The following KLHL32 variants were observed in gnomAD, a reference collection of about 807,000 sequenced individuals.
KLHL32 encodes kelch-like protein 32.
A neutral mutation model predicts 64.8 loss-of-function variants in KLHL32; 35 were observed. The ratio of observed to expected loss-of-function variants is 0.54; its 90% CI spans 0.41 to 0.72. The LOEUF is 0.72. Among genes scored for constraint, KLHL32 ranks in the 30% least tolerant of loss-of-function variants. The pLI is 0.00. For synonymous variants in KLHL32, 259 were observed against 281.0 expected, an observed-to-expected ratio of 0.92 and a Z score of 0.78; for missense variants, 589 against 768.5, an observed-to-expected ratio of 0.77 and a Z score of 2.76.
chr6:97,137,160 G>A (rs1427747218), intron 10 of KLHL32, among the ~76,000 whole-genome samples: 1 of 152,130 alleles, frequency 6.6e-6, no homozygotes, highest in East Asian at 1.9e-4. Flanking sequence ...CTCATGGGGC[G>A]AAGTAGTGAT....
At chr6:96,928,529 A>C (rs1005026826) in intron 1 of KLHL32, among the ~76,000 whole-genome samples, 1 of 152,226 alleles carries the variant, frequency 6.6e-6, no homozygotes, top group Non-Finnish European at 1.5e-5. Context: ...TGGAGAATGT[A>C]GTACTGATTC....
chr6:97,019,946 A>ATTT (rs59828741), intron 3 of KLHL32, among the ~76,000 whole-genome samples: 6,152 of 114,956 alleles, frequency 0.054, 316 homozygotes, highest in African/African-American at 0.14. Context: ...CTCCCGGCGA[A>ATTT]TTTTTTTTTT....
chr6:96,949,672 G>A (rs569790122), intron 1 of KLHL32, among the ~76,000 whole-genome samples: 25 of 152,192 alleles, frequency 1.6e-4, no homozygotes, highest in Admixed American at 1.5e-3. Context: ...TATCTTCAGA[G>A]TTCCCTGGTG....
Position 97,089,925 on chromosome 6 carries a change from A to C in KLHL32, c.627+4584A>C, listed in dbSNP as rs1179562397. On this transcript the variant is annotated intron_variant, in intron 6 of 10. Transcript: ENST00000369261. ...ATTTGCTGGCTATGTGAGTGGCGTC[A>C]AACAAGGTAAGACCTCAGCAGGGAG... is the stretch of plus-strand genomic sequence containing the variant. Among the ~76,000 whole-genome samples the C allele has an allele frequency of 2.6e-5, 4 of 152,238 alleles. No individual in the cohort carries two copies. In the East Asian group the frequency reaches 5.8e-4, roughly 22 times the overall value.
At chr6:96,973,147 T>A (rs1403196300) in intron 2 of KLHL32, among the ~76,000 whole-genome samples, 1 of 152,224 alleles carries the variant, frequency 6.6e-6, no homozygotes, top group Non-Finnish European at 1.5e-5. Context: ...CTTGTTGTTT[T>A]CTTGAAGCTT....
chr6:97,110,127 T>G (rs1278244210), intron 6 of KLHL32, among the ~76,000 whole-genome samples: 6 of 152,220 alleles, frequency 3.9e-5, no homozygotes, highest in Non-Finnish European at 8.8e-5. Flanking sequence ...TGTCTCCACT[T>G]CTGGCAGAGA....
chr6:97,105,568 A>AG (rs1220964611), intron 6 of KLHL32: 4 of 469,194 alleles, frequency 8.5e-6, no homozygotes, highest in Non-Finnish European at 1.8e-5. Context: ...TTCTGCAAAG[A>AG]GAAGGGCTCC....
At chr6:96,985,517 C>T (rs112260714) in intron 3 of KLHL32, among the ~76,000 whole-genome samples, 1,577 of 152,276 alleles carry the variant, frequency 0.01, 36 homozygotes, top group African/African-American at 0.036. Context: ...ACCAATCAGA[C>T]GTAGATTTGG....
intron 3 of KLHL32, among the ~76,000 whole-genome samples, chr6:97,005,458 G>GT (rs1280016501): frequency 5.9e-5 from 9 of 151,844 alleles, no homozygotes; most frequent in African/African-American, 2.2e-4. Context: ...CTTTTGTATG[G>GT]TTTTTCACAT....
chr6:96,899,620 A>T, the KLHL32 span, among the ~76,000 whole-genome samples: 617 of 152,362 alleles, frequency 4.0e-3, 4 homozygotes, highest in Non-Finnish European at 6.7e-3. Flanking sequence ...ATCCTGGCCC[A>T]GTGCTGCTCA....
intron 7 of KLHL32, among the ~76,000 whole-genome samples, chr6:97,116,300 A>G (rs1307467075): frequency 1.3e-5 from 2 of 152,218 alleles, no homozygotes; most frequent in Admixed American, 6.5e-5. Flanking sequence ...CTTTAAATGT[A>G]TATTTCAACA....
At chr6:96,907,027 T>G in the KLHL32 span, among the ~76,000 whole-genome samples, 136 of 152,346 alleles carry the variant, frequency 8.9e-4, no homozygotes, top group African/African-American at 2.8e-3. Context: ...AGATAATTCA[T>G]GTACCTAGCT....
At chr6:97,115,052 G>T (rs1441696490) in intron 7 of KLHL32, among the ~76,000 whole-genome samples, 2 of 152,210 alleles carry the variant, frequency 1.3e-5, no homozygotes, top group Admixed American at 1.3e-4. Context: ...TCTCACTCTT[G>T]TTACCCAGGC....
intron 4 of KLHL32, among the ~76,000 whole-genome samples, chr6:97,062,124 G>A (rs1652909754): frequency 6.6e-6 from 1 of 152,206 alleles, no homozygotes; most frequent in South Asian, 2.1e-4. Flanking sequence ...GGTTTTTCAT[G>A]TGCAGGCTTC....
At chr6:97,004,731 A>G (rs1191510911) in intron 3 of KLHL32, among the ~76,000 whole-genome samples, 1 of 152,124 alleles carries the variant, frequency 6.6e-6, no homozygotes, top group Non-Finnish European at 1.5e-5. Flanking sequence ...TATTAGGAGA[A>G]TCATAAGGTT....
intron 6 of KLHL32, among the ~76,000 whole-genome samples, chr6:97,111,868 CCTGTTGGACTCCT>C (rs1797192006): frequency 6.6e-6 from 1 of 152,068 alleles, no homozygotes; most frequent in Non-Finnish European, 1.5e-5. Flanking sequence ...CTGGCCATCC[CCTGTTGGACTCCT>C]CTCTGAAGCT....
intron 5 of KLHL32, among the ~76,000 whole-genome samples, chr6:97,073,035 C>T (rs1791001966): frequency 6.6e-6 from 1 of 152,196 alleles, no homozygotes; most frequent in Non-Finnish European, 1.5e-5. Context: ...AAGTATCTTA[C>T]AAACACAGTA....
chr6:96,937,708 C>G (rs964745809), intron 1 of KLHL32, among the ~76,000 whole-genome samples: 1 of 152,184 alleles, frequency 6.6e-6, no homozygotes, highest in Admixed American at 6.5e-5. Flanking sequence ...TCCACTTCCT[C>G]CCGTGTCCCC....
At chr6:96,982,778 G>C (rs1433182417) in intron 3 of KLHL32, among the ~76,000 whole-genome samples, 1 of 152,156 alleles carries the variant, frequency 6.6e-6, no homozygotes, top group Non-Finnish European at 1.5e-5. Flanking sequence ...AGGAGATTTT[G>C]GGCTGAGACG....
Sources: gnomAD v4.1 joint callset for allele counts (sites outside exome capture counted in the v4.1 genomes callset) on GRCh38, gnomAD v4.1.1 for gene constraint, MANE v1.5 for transcripts, NCBI Gene and HGNC (gene_info 2026-07-23, HGNC 2026-07-21) for gene names.